The following SCLT1 variants were observed in gnomAD, a reference collection of about 807,000 sequenced individuals.
SCLT1 encodes sodium channel and clathrin linker 1.
In SCLT1, 78 loss-of-function variants were observed where a neutral mutation model predicts 112.8. That is an observed-to-expected ratio of 0.69 (90% CI 0.58 to 0.83). The LOEUF (loss-of-function observed/expected upper bound fraction) is 0.83. SCLT1 is among the 40% of genes least tolerant of loss of function. The pLI is 0.00. For synonymous variants in SCLT1, 257 were observed against 254.7 expected (o/e 1.01, Z -0.09); for missense variants, 747 against 770.4 (o/e 0.97, Z 0.36).
intron 5 of SCLT1, among the ~76,000 whole-genome samples, chr4:129,032,470 A>G (rs1746811581): frequency 6.6e-6 from 1 of 152,178 alleles, no homozygotes; most frequent in Non-Finnish European, 1.5e-5. Context: ...AATTGCAACA[A>G]AAGCCAAAAT....
intron 9 of SCLT1, among the ~76,000 whole-genome samples, chr4:128,975,528 T>C (rs1329627401): frequency 1.3e-5 from 2 of 152,172 alleles, no homozygotes; most frequent in African/African-American, 4.8e-5. Context: ...ATTTTTATGT[T>C]TCTTCCTGCA....
chr4:129,039,149 C>T, intron 4 of SCLT1, 53 bp from the exon 5 acceptor site: 2 of 1,148,674 alleles, frequency 1.7e-6, no homozygotes, highest in Non-Finnish European at 2.6e-6. Flanking sequence ...ATCAGATCTC[C>T]ATTAAGTAGA....
chr4:128,879,889 GCT>G (rs1560795259), downstream of SCLT1, among the ~76,000 whole-genome samples: 1 of 151,984 alleles, frequency 6.6e-6, no homozygotes, highest in African/African-American at 2.4e-5. Flanking sequence ...TTTATATTAT[GCT>G]CTGATAACTT....
At chr4:128,973,297 A>G (rs1336502092) in intron 9 of SCLT1, among the ~76,000 whole-genome samples, 1 of 152,140 alleles carries the variant, frequency 6.6e-6, no homozygotes, top group Non-Finnish European at 1.5e-5. Context: ...AAAATATACA[A>G]TGTAAGATAA....
intron 2 of SCLT1, among the ~76,000 whole-genome samples, chr4:129,070,264 G>C (rs1027817931): frequency 1.3e-5 from 2 of 152,080 alleles, no homozygotes; most frequent in East Asian, 1.9e-4. Context: ...TGTGATGCTG[G>C]CTTCACAGAA....
chr4:128,885,478 T>A (rs1732823663), intron 20 of SCLT1, among the ~76,000 whole-genome samples: 1 of 152,244 alleles, frequency 6.6e-6, no homozygotes, highest in African/African-American at 2.4e-5. Flanking sequence ...CTAAATAATC[T>A]ACCTTAGAAA....
intron 6 of SCLT1, among the ~76,000 whole-genome samples, chr4:129,002,925 C>T (rs921206985): frequency 1.3e-5 from 2 of 152,144 alleles, no homozygotes; most frequent in African/African-American, 4.8e-5. Context: ...CCAGCAATCC[C>T]ATTACTGGGT....
At chr4:129,091,094 T>A (rs1752786478) in intron 1 of SCLT1, among the ~76,000 whole-genome samples, 1 of 152,198 alleles carries the variant, frequency 6.6e-6, no homozygotes, top group East Asian at 1.9e-4. Flanking sequence ...AGAAGGCAAG[T>A]GATCTATCTT....
At chr4:129,093,007 T>G in intron 1 of SCLT1, 63 bp downstream of exon 1, 3 of 1,210,302 alleles carry the variant, frequency 2.5e-6, no homozygotes, top group Non-Finnish European at 3.7e-6. Flanking sequence ...AAAAAAGATT[T>G]GTCGGTCAAC....
intron 11 of SCLT1, 147 bp from the exon 12 acceptor site, chr4:128,959,924 T>C (rs1739537072): frequency 1.6e-6 from 1 of 639,410 alleles, no homozygotes; most frequent in Non-Finnish European, 2.7e-6. Flanking sequence ...TACCCTTCTA[T>C]AAAGTAGGTT....
intron 18 of SCLT1, among the ~76,000 whole-genome samples, chr4:128,895,871 C>G (rs919979850): frequency 1.3e-5 from 2 of 152,208 alleles, no homozygotes; most frequent in African/African-American, 4.8e-5. Flanking sequence ...TCTTAGCAAA[C>G]GGCACACCAG....
intron 18 of SCLT1, among the ~76,000 whole-genome samples, chr4:128,907,532 T>C (rs1354296365): frequency 6.6e-6 from 1 of 152,096 alleles, no homozygotes; most frequent in Non-Finnish European, 1.5e-5. Context: ...ATGGGAAATA[T>C]AGGATGAAAT....
intron 2 of SCLT1, among the ~76,000 whole-genome samples, chr4:129,064,087 T>C (rs1396028272): frequency 6.6e-6 from 1 of 152,190 alleles, no homozygotes; most frequent in African/African-American, 2.4e-5. Flanking sequence ...TGGTGCACTG[T>C]GGGGAGATGA....
At chr4:128,980,234 A>C (rs1315972566) in intron 9 of SCLT1, among the ~76,000 whole-genome samples, 2 of 152,194 alleles carry the variant, frequency 1.3e-5, no homozygotes, top group African/African-American at 4.8e-5. Context: ...TAGCATTTTT[A>C]TAATAGAAGA....
At chr4:128,974,099 A>G (rs538959281) in intron 9 of SCLT1, among the ~76,000 whole-genome samples, 2 of 152,304 alleles carry the variant, frequency 1.3e-5, no homozygotes, top group South Asian at 2.1e-4. Flanking sequence ...AAGTTCAAAT[A>G]AGTTAATACA....
intron 5 of SCLT1, among the ~76,000 whole-genome samples, chr4:129,013,432 T>G (rs781140925): frequency 6.6e-6 from 1 of 152,336 alleles, no homozygotes; most frequent in South Asian, 2.1e-4. Context: ...AGTGTATTTT[T>G]GTAGTGGGTG....
chr4:128,995,656 C>G (rs1420445993), intron 8 of SCLT1, among the ~76,000 whole-genome samples: 4 of 152,102 alleles, frequency 2.6e-5, no homozygotes, highest in African/African-American at 7.2e-5. Context: ...CAGGGAGATG[C>G]TGGCAGCTGT....
chr4:128,989,440 C>A (rs1302684082), intron 9 of SCLT1, among the ~76,000 whole-genome samples: 1 of 151,652 alleles, frequency 6.6e-6, no homozygotes, highest in Non-Finnish European at 1.5e-5. Context: ...AAAATAGAAA[C>A]ACAATGTATC....
intron 2 of SCLT1, among the ~76,000 whole-genome samples, chr4:129,082,008 T>C (rs1751984724): frequency 6.6e-6 from 1 of 152,200 alleles, no homozygotes; most frequent in African/African-American, 2.4e-5. Context: ...TCATAATTTA[T>C]GAGAATGCAG....
Sources: allele counts gnomAD v4.1 joint callset (sites outside exome capture counted in the v4.1 genomes callset), GRCh38; gene constraint gnomAD v4.1.1; transcripts MANE v1.5; gene names NCBI Gene and HGNC (gene_info 2026-07-23, HGNC 2026-07-21).